The following HPSE2 variants were observed in gnomAD, a reference collection of about 807,000 sequenced individuals.
The protein encoded by HPSE2 is inactive heparanase-2.
In HPSE2, 38 loss-of-function variants were observed where a neutral mutation model predicts 60.5. The observed-to-expected ratio is 0.63, with a 90% CI of 0.48 to 0.82. The LOEUF (loss-of-function observed/expected upper bound fraction) is 0.82. Among genes scored for constraint, HPSE2 ranks in the 40% least tolerant of loss-of-function variants. The pLI is 0.00. For missense variants in HPSE2, 713 were observed against 740.4 expected, an observed-to-expected ratio of 0.96 and a Z score of 0.43; for synonymous variants, 295 against 293.2, an observed-to-expected ratio of 1.01 and a Z score of -0.06.
chr10:98,581,090 G>C (rs1349566871), intron 9 of HPSE2, among the ~76,000 whole-genome samples: 1 of 151,546 alleles, frequency 6.6e-6, no homozygotes, highest in East Asian at 1.9e-4. Context: ...ATAGGTGCGT[G>C]CCAACACGCC....
At chr10:98,579,140 T>C (rs1209964622) in intron 9 of HPSE2, among the ~76,000 whole-genome samples, 2 of 152,124 alleles carry the variant, frequency 1.3e-5, no homozygotes, top group Non-Finnish European at 2.9e-5. Context: ...GGAGAATGAC[T>C]TAAAAGACCC....
chr10:99,057,912 T>C (rs1357505888), intron 3 of HPSE2, among the ~76,000 whole-genome samples: 2 of 7,154 alleles, frequency 2.8e-4, no homozygotes, highest in African/African-American at 3.5e-4. Context: ...CTGAATCTTA[T>C]GGGTTAAAAA....
chr10:98,614,676 T>C (rs183052201), intron 9 of HPSE2, among the ~76,000 whole-genome samples: 241 of 151,846 alleles, frequency 1.6e-3, no homozygotes, highest in Admixed American at 3.7e-3. Flanking sequence ...CATATGTATG[T>C]GTATATATAA....
intron 3 of HPSE2, among the ~76,000 whole-genome samples, chr10:98,831,718 T>G (rs1442713611): frequency 6.6e-6 from 1 of 152,192 alleles, no homozygotes; most frequent in Non-Finnish European, 1.5e-5. Context: ...GGTCTAATAA[T>G]TGTGAGCCAG....
intron 6 of HPSE2, among the ~76,000 whole-genome samples, chr10:98,651,181 C>A (rs750952927): frequency 2.6e-5 from 4 of 152,170 alleles, no homozygotes; most frequent in Non-Finnish European, 4.4e-5. Context: ...ATTGTCACTT[C>A]TCTGTTTAAA....
chr10:98,518,105 G>C (rs1942662699), intron 9 of HPSE2, among the ~76,000 whole-genome samples: 1 of 152,198 alleles, frequency 6.6e-6, no homozygotes, highest in South Asian at 2.1e-4. Context: ...AATCAGGGAA[G>C]GCTTTTGAAT....
At chr10:98,653,426 A>G (rs1946972365) in intron 6 of HPSE2, among the ~76,000 whole-genome samples, 1 of 150,358 alleles carries the variant, frequency 6.7e-6, no homozygotes, top group Admixed American at 6.6e-5. Context: ...TTTTTTTTTA[A>G]TCTCTTCTTT....
chr10:99,292,918 A>T, the HPSE2 span, among the ~76,000 whole-genome samples: 1 of 152,052 alleles, frequency 6.6e-6, no homozygotes, highest in Non-Finnish European at 1.5e-5. Context: ...CATTTGTCTG[A>T]AGTTTTTGAT....
chr10:98,827,201 T>TTTTG (rs747860781), intron 3 of HPSE2, among the ~76,000 whole-genome samples: 5 of 151,876 alleles, frequency 3.3e-5, no homozygotes, highest in East Asian at 2.0e-4. Flanking sequence ...TATTGTGGTT[T>TTTTG]TTTGTTTGTT....
At chr10:98,863,300 T>C (rs1463783224) in intron 3 of HPSE2, among the ~76,000 whole-genome samples, 1 of 152,120 alleles carries the variant, frequency 6.6e-6, no homozygotes, top group Non-Finnish European at 1.5e-5. Flanking sequence ...TGAGAGGTCT[T>C]GTCAGTAATT....
At chr10:98,871,722 A>T (rs1952737679) in intron 3 of HPSE2, among the ~76,000 whole-genome samples, 1 of 152,034 alleles carries the variant, frequency 6.6e-6, no homozygotes, top group African/African-American at 2.4e-5. Context: ...GCAGAAAAAC[A>T]GCCTAAGGAA....
At chr10:99,256,333 C>G in the HPSE2 span, among the ~76,000 whole-genome samples, 1 of 18,306 alleles carries the variant, frequency 5.5e-5, no homozygotes, top group South Asian at 2.0e-3. Context: ...ATCTCTTGCT[C>G]TTTCTTGCCC....
intron 3 of HPSE2, among the ~76,000 whole-genome samples, chr10:98,895,529 G>A (rs1239991994): frequency 6.6e-6 from 1 of 152,064 alleles, no homozygotes; most frequent in African/African-American, 2.4e-5. Context: ...ATAATTCTAA[G>A]TACTCTGATC....
At chr10:98,715,129 G>A (rs1948760581) in intron 5 of HPSE2, among the ~76,000 whole-genome samples, 1 of 151,642 alleles carries the variant, frequency 6.6e-6, no homozygotes, top group African/African-American at 2.4e-5. Context: ...CTCCTATTCT[G>A]CATGTTATCT....
intron 9 of HPSE2, among the ~76,000 whole-genome samples, chr10:98,590,761 T>A (rs569375979): frequency 6.6e-6 from 1 of 152,328 alleles, no homozygotes; most frequent in Non-Finnish European, 1.5e-5. Flanking sequence ...TACAGTCTAG[T>A]GGTTACAGAG....
intron 9 of HPSE2, among the ~76,000 whole-genome samples, chr10:98,509,832 C>T (rs913894708): frequency 6.6e-6 from 1 of 152,024 alleles, no homozygotes; most frequent in Admixed American, 6.6e-5. Context: ...ATGCTTAACT[C>T]GGGAGGTTGG....
At chr10:98,911,486 G>A (rs1276649740) in intron 3 of HPSE2, among the ~76,000 whole-genome samples, 2 of 152,180 alleles carry the variant, frequency 1.3e-5, no homozygotes, top group East Asian at 3.8e-4. Flanking sequence ...ACAGACCAAA[G>A]AGGGCAGGTA....
chr10:99,138,099 T>A (rs1663758313), intron 3 of HPSE2, among the ~76,000 whole-genome samples: 1 of 152,166 alleles, frequency 6.6e-6, no homozygotes, highest in Non-Finnish European at 1.5e-5. Flanking sequence ...CAGACACTTC[T>A]CAAAAGAAGA....
chr10:98,675,395 G>A lies in HPSE2; in HGVS notation c.1004+18505C>T, dbSNP rs542179027. Among the ~76,000 whole-genome samples, 21 of 152,220 alleles carry A rather than the reference G, an allele frequency of 1.4e-4. No individual in the cohort carries two copies. The South Asian group carries it at 3.7e-3, about 27-fold the overall frequency. On this transcript the variant is annotated intron_variant, in intron 6 of 11. Coordinates refer to ENST00000370552, the MANE Select transcript of HPSE2 (RefSeq NM_021828.5). ...CTGACTCCAGACTAGTGCAATACTT[G>A]TGTAACAGATGAATAAAGAAAGCAA...
Sources: gnomAD v4.1 joint callset for allele counts (sites outside exome capture counted in the v4.1 genomes callset) on GRCh38, gnomAD v4.1.1 for gene constraint, MANE v1.5 for transcripts, NCBI Gene and HGNC (gene_info 2026-07-23, HGNC 2026-07-21) for gene names.